The following PSEN1 variants were observed in gnomAD, a reference collection of about 807,000 sequenced individuals.
The protein encoded by PSEN1 is presenilin 1, also known as presenilin-1.
PSEN1 carries 15 observed loss-of-function variants against 53.5 expected under a neutral mutation model. That is an observed-to-expected ratio of 0.28 (90% CI 0.19 to 0.43). The LOEUF (loss-of-function observed/expected upper bound fraction) is 0.43. PSEN1 is among the 20% of genes least tolerant of loss of function. The pLI is 1.00. For missense variants in PSEN1, 387 were observed against 571.2 expected (o/e 0.68, Z 3.29); for synonymous variants, 208 against 209.8 (o/e 0.99, Z 0.08).
At chr14:73,194,426 A>T (rs78284376) in intron 7 of PSEN1, among the ~76,000 whole-genome samples, 4,412 of 151,552 alleles carry the variant, frequency 0.029, 142 homozygotes, top group African/African-American at 0.078. Context: ...CTAATTTTTT[A>T]AAAAAAAATT....
intron 3 of PSEN1, among the ~76,000 whole-genome samples, chr14:73,160,656 T>C (rs1897501432): frequency 6.6e-6 from 1 of 152,130 alleles, no homozygotes; most frequent in Non-Finnish European, 1.5e-5. Context: ...CTTTTCTTTT[T>C]TCCCCCCATA....
chr14:73,219,223 C>T lies in PSEN1; in HGVS notation c.1338C>T (p.Tyr446=), dbSNP rs1297588785. The T allele has an allele frequency of 3.1e-6, 5 of 1,613,662 alleles. No homozygotes were observed. Among genetic ancestry groups the T allele is most frequent in the Non-Finnish European group, 4.2e-6 (5 of 1,179,550 alleles). The change falls in exon 12 of 12, where the codon TAC becomes TAT. Residue 446 remains tyrosine, a synonymous_variant. Coordinates refer to ENST00000324501, the MANE Select transcript of PSEN1 (RefSeq NM_000021.4). ...CCATCACCTTTGGGCTTGTTTTCTA[C>T]TTTGCCACAGATTATCTTGTACAGC... ...PISITFGLVF[Y]FATDYLVQPF...
At chr14:73,166,998 A>C (rs764234798) in intron 3 of PSEN1, among the ~76,000 whole-genome samples, 2 of 151,656 alleles carry the variant, frequency 1.3e-5, no homozygotes, top group Non-Finnish European at 2.9e-5. Flanking sequence ...TGGGTGATTT[A>C]TTTATTTATT....
At chr14:73,140,956 C>T (rs1194929760) in intron 1 of PSEN1, among the ~76,000 whole-genome samples, 2 of 152,242 alleles carry the variant, frequency 1.3e-5, no homozygotes, top group Non-Finnish European at 1.5e-5. Flanking sequence ...ATTTGTATGC[C>T]TTATTCTGGG....
chr14:73,177,697 G>A (rs1262561730), intron 5 of PSEN1, among the ~76,000 whole-genome samples: 1 of 152,098 alleles, frequency 6.6e-6, no homozygotes, highest in Non-Finnish European at 1.5e-5. Flanking sequence ...ATGCTCTTCT[G>A]CTTTCTTTCA....
chr14:73,150,956 T>A (rs1897204278), intron 3 of PSEN1, among the ~76,000 whole-genome samples: 1 of 150,666 alleles, frequency 6.6e-6, no homozygotes, highest in Admixed American at 6.6e-5. Context: ...TAGTCCCAGC[T>A]ACTTGGGAGG....
chr14:73,150,038 G>A (rs1418715822), intron 3 of PSEN1, among the ~76,000 whole-genome samples: 1 of 152,204 alleles, frequency 6.6e-6, no homozygotes, highest in East Asian at 1.9e-4. Context: ...AGCTGAAGTT[G>A]TGTTTGTTTT....
At chr14:73,184,047 C>G (rs1479829228) in intron 5 of PSEN1, among the ~76,000 whole-genome samples, 1 of 131,572 alleles carries the variant, frequency 7.6e-6, no homozygotes, top group Non-Finnish European at 1.6e-5. Context: ...GCTGGCCAGG[C>G]GGGGGGCTGA....
Position 73,173,693 on chromosome 14 carries a change from T to C in PSEN1, c.466T>C (p.Tyr156His). 1 of 1,614,196 alleles carries C rather than the reference T, an allele frequency of 6.2e-7. No individual in the cohort carries two copies. Among genetic ancestry groups the C allele is most frequent in the Non-Finnish European group, 8.5e-7 (1 of 1,179,996 alleles). ...MTILLVVLYK[Y>H]RCYKVIHAWL... Reference sequence around the variant, plus strand: ...TATCCTCCTGGTGGTTCTGTATAAATACAGGTGCTATAAGGTGAGCATGAG... The same window carrying C: ...TATCCTCCTGGTGGTTCTGTATAAACACAGGTGCTATAAGGTGAGCATGAG... Residue 156 changes from tyrosine to histidine, a missense_variant, in exon 5 of 12, where the codon TAC (tyrosine) becomes CAC (histidine). Coordinates refer to ENST00000324501, the MANE Select transcript of PSEN1 (RefSeq NM_000021.4).
At chr14:73,150,590 T>C (rs553228618) in intron 3 of PSEN1, among the ~76,000 whole-genome samples, 92 of 150,402 alleles carry the variant, frequency 6.1e-4, no homozygotes, top group African/African-American at 2.1e-3. Flanking sequence ...GGTGAAACCC[T>C]GTCTCTACTA....
intron 11 of PSEN1, among the ~76,000 whole-genome samples, chr14:73,218,240 C>T (rs758833776): frequency 2.0e-5 from 3 of 151,946 alleles, no homozygotes; most frequent in Non-Finnish European, 4.4e-5. Context: ...GTGTGCACCA[C>T]CATGCCTGGC....
At chr14:73,205,193 C>A (rs748758065) in intron 8 of PSEN1, among the ~76,000 whole-genome samples, 35 of 151,858 alleles carry the variant, frequency 2.3e-4, no homozygotes, top group Admixed American at 2.0e-3. Context: ...TTACTGTGAC[C>A]AGGCCGGGCG....
chr14:73,219,418 C>G lies in PSEN1; in HGVS notation c.*129C>G. The G allele has an allele frequency of 9.7e-7, 1 of 1,035,456 alleles. No homozygotes were observed. Among genetic ancestry groups the G allele is most frequent in the South Asian group, 1.3e-5 (1 of 78,026 alleles). 64.1% of individuals were successfully genotyped at this position (1,035,456 alleles called of 1,614,324 possible). A position where few individuals can be genotyped will look rare whatever the true frequency, so the allele number is the denominator to read the frequency against. ...TTCCCGGCTGGACTTTTGCAGCTTCCTTCCAAGTCTTCCTGACCACCTTGC... is the reference window on the plus strand; with the variant it reads ...TTCCCGGCTGGACTTTTGCAGCTTCGTTCCAAGTCTTCCTGACCACCTTGC... On this transcript the variant is annotated 3_prime_UTR_variant, in exon 12 of 12. Coordinates refer to ENST00000324501, the MANE Select transcript of PSEN1 (RefSeq NM_000021.4).
At chr14:73,139,782 G>T (rs901698643) in intron 1 of PSEN1, among the ~76,000 whole-genome samples, 1 of 152,112 alleles carries the variant, frequency 6.6e-6, no homozygotes, top group Non-Finnish European at 1.5e-5. Flanking sequence ...CTCATCAAGT[G>T]TGTGCTTATA....
intron 8 of PSEN1, among the ~76,000 whole-genome samples, chr14:73,205,320 A>G (rs1395408077): frequency 1.3e-5 from 2 of 151,894 alleles, no homozygotes; most frequent in Non-Finnish European, 1.5e-5. Flanking sequence ...ACTAAAAAAA[A>G]TACAAAAAAT....
Position 73,211,552 on chromosome 14 carries a change from G to GA in PSEN1, c.956-217_956-216insA, listed in dbSNP as rs141655641. ...GATTCACCACCAGAGTCATGTGGGA[G>GA]GGGGTGGGAACCCAAACAATTCAGG... is the stretch of plus-strand genomic sequence containing the variant. On this transcript the variant is annotated intron_variant, in intron 9 of 11. Coordinates refer to ENST00000324501, the MANE Select transcript of PSEN1 (RefSeq NM_000021.4). Among the ~76,000 whole-genome samples the GA allele has an allele frequency of 0.015, 2,277 of 152,250 alleles. 58 individuals are homozygous for GA. The highest frequency in any genetic ancestry group is 0.051 in the African/African-American group (2,113 of 41,526).
At chr14:73,165,707 C>T (rs1309895142) in intron 3 of PSEN1, among the ~76,000 whole-genome samples, 2 of 148,250 alleles carry the variant, frequency 1.3e-5, no homozygotes, top group African/African-American at 5.0e-5. Flanking sequence ...GAGATCGCAC[C>T]ATTGCACTCC....
rs1023725980 is a variant in PSEN1 at position 73,212,039 on chromosome 14, C to G, written c.1129+97C>G. The G allele has an allele frequency of 2.6e-5, 20 of 784,132 alleles. No individual in the cohort carries two copies. The African/African-American group carries it at 3.5e-4, about 14-fold the overall frequency. 48.6% of individuals were successfully genotyped at this position (784,132 alleles called of 1,614,324 possible). A position where few individuals can be genotyped will look rare whatever the true frequency, so the allele number is the denominator to read the frequency against. ...TAAAATGAATTGAGAGTGTTACAGT[C>G]TAATTCTATATCACATGTAACTTTT... On this transcript the variant is annotated intron_variant, in intron 10 of 11. Transcript: ENST00000324501.
At chr14:73,183,140 T>C (rs1898275621) in intron 5 of PSEN1, among the ~76,000 whole-genome samples, 1 of 152,116 alleles carries the variant, frequency 6.6e-6, no homozygotes, top group Non-Finnish European at 1.5e-5. Flanking sequence ...TTTTTTGAGA[T>C]GGAGTCTCGC....
Sources: gnomAD v4.1 joint callset for allele counts (sites outside exome capture counted in the v4.1 genomes callset) on GRCh38, gnomAD v4.1.1 for gene constraint, MANE v1.5 for transcripts, NCBI Gene and HGNC (gene_info 2026-07-23, HGNC 2026-07-21) for gene names.